Variants in PTPRM observed in about 807,000 individuals in gnomAD.
PTPRM encodes the protein protein tyrosine phosphatase receptor type M, also known as receptor-type tyrosine-protein phosphatase mu.
Under a neutral mutation model 186.7 loss-of-function variants are expected in PTPRM, and 47 were observed. That is an observed-to-expected ratio of 0.25 (90% confidence interval 0.20 to 0.32). The LOEUF is 0.32. Among genes scored for constraint, PTPRM ranks in the 10% least tolerant of loss-of-function variants. The pLI is 1.00. For missense variants in PTPRM, 1,494 were observed against 1,865.0 expected, an observed-to-expected ratio of 0.80 and a Z score of 3.66; for synonymous variants, 668 against 674.9, an observed-to-expected ratio of 0.99 and a Z score of 0.16.
chr18:8,358,564 C>A (rs1198243073), intron 23 of PTPRM, among the ~76,000 whole-genome samples: 1 of 152,152 alleles, frequency 6.6e-6, no homozygotes, highest in Non-Finnish European at 1.5e-5. Flanking sequence ...CCCTGGTATG[C>A]GTGCAGCTAG....
chr18:8,330,976 A>C (rs1225773288), intron 22 of PTPRM, among the ~76,000 whole-genome samples: 1 of 152,086 alleles, frequency 6.6e-6, no homozygotes, highest in Admixed American at 6.6e-5. Flanking sequence ...GCCACACACT[A>C]CCTACCCCCA....
intron 29 of PTPRM, 149 bp downstream of exon 29, chr18:8,380,576 G>T: frequency 1.1e-6 from 1 of 937,856 alleles, no homozygotes; most frequent in Non-Finnish European, 1.6e-6. Context: ...TGAACACAAC[G>T]GTTAAAAATC....
intron 1 of PTPRM, among the ~76,000 whole-genome samples, chr18:7,599,547 A>T (rs2037348369): frequency 6.6e-6 from 1 of 152,192 alleles, no homozygotes; most frequent in Admixed American, 6.5e-5. Context: ...AACAGCTCTC[A>T]TCATTTCTTT....
At chr18:8,148,566 G>T (rs1350424240) in intron 14 of PTPRM, among the ~76,000 whole-genome samples, 1 of 151,942 alleles carries the variant, frequency 6.6e-6, no homozygotes. Flanking sequence ...CTGGCTCGTG[G>T]TCTAGCTATT....
At chr18:8,392,136 A>G (rs1754294945) in intron 31 of PTPRM, among the ~76,000 whole-genome samples, 1 of 152,180 alleles carries the variant, frequency 6.6e-6, no homozygotes. Context: ...ACCAAATCCA[A>G]TCTGTGGACT....
intron 3 of PTPRM, among the ~76,000 whole-genome samples, chr18:7,895,444 A>T (rs1209863341): frequency 1.3e-5 from 2 of 152,246 alleles, no homozygotes; most frequent in Admixed American, 6.5e-5. Flanking sequence ...GGAACACTGC[A>T]TGAGACAAAG....
chr18:7,994,648 T>C (rs1481599848), intron 7 of PTPRM, among the ~76,000 whole-genome samples: 3 of 152,070 alleles, frequency 2.0e-5, no homozygotes, highest in African/African-American at 7.2e-5. Flanking sequence ...CACAATGGAA[T>C]AAACTACAAA....
At position 8,354,145 on chromosome 18, in the gene PTPRM, G is replaced by A. The variant is rs140698998; in HGVS notation, c.3054+10625G>A. 5.1e-3 allele frequency among the ~76,000 whole-genome samples: 768 copies of A among 151,640 alleles called. 4 individuals are homozygous for A. The highest frequency in any genetic ancestry group is 9.9e-3 in the Admixed American group (151 of 15,242). On this transcript the variant is annotated intron_variant, in intron 23 of 32. Transcript: ENST00000580170. ...GGAGAATCGCTTGAACCCAGGAGGC[G>A]GAGGTTGCAGTGAGCCTAGATCGCA... is the stretch of plus-strand genomic sequence containing the variant.
At chr18:8,065,340 G>T (rs2088976974) in intron 7 of PTPRM, among the ~76,000 whole-genome samples, 1 of 152,190 alleles carries the variant, frequency 6.6e-6, no homozygotes, top group South Asian at 2.1e-4. Context: ...CTAGAAGTGG[G>T]CTTGCTCGTC....
chr18:8,160,770 C>T (rs931353944), intron 14 of PTPRM, among the ~76,000 whole-genome samples: 2 of 152,192 alleles, frequency 1.3e-5, no homozygotes, highest in Non-Finnish European at 2.9e-5. Flanking sequence ...TCGCTGTTAG[C>T]TGTCTCACTG....
intron 19 of PTPRM, among the ~76,000 whole-genome samples, chr18:8,294,747 C>T (rs2095077773): frequency 6.6e-6 from 1 of 152,166 alleles, no homozygotes; most frequent in African/African-American, 2.4e-5. Context: ...CCTATGATCA[C>T]GACTAAGGGA....
At chr18:7,793,373 G>A (rs568110171) in intron 2 of PTPRM, among the ~76,000 whole-genome samples, 1 of 152,288 alleles carries the variant, frequency 6.6e-6, no homozygotes, top group East Asian at 1.9e-4. Flanking sequence ...AATGTGTACA[G>A]AGCTTAGGAC....
chr18:8,180,591 C>T (rs916795904), intron 14 of PTPRM, among the ~76,000 whole-genome samples: 10 of 152,134 alleles, frequency 6.6e-5, no homozygotes, highest in Non-Finnish European at 1.3e-4. Context: ...GTGGGCTGTT[C>T]GAATGCGCAG....
chr18:8,045,812 T>C (rs553761626), intron 7 of PTPRM, among the ~76,000 whole-genome samples: 1 of 152,348 alleles, frequency 6.6e-6, no homozygotes, highest in South Asian at 2.1e-4. Context: ...GGGTGGATTT[T>C]ATGACATATT....
chr18:7,711,111 T>C (rs960652560), intron 1 of PTPRM, among the ~76,000 whole-genome samples: 1 of 152,142 alleles, frequency 6.6e-6, no homozygotes, highest in South Asian at 2.1e-4. Flanking sequence ...GGGTGATTTC[T>C]GCATTTCCAA....
intron 19 of PTPRM, among the ~76,000 whole-genome samples, chr18:8,254,778 C>A (rs1031074016): frequency 1.3e-5 from 2 of 152,216 alleles, no homozygotes; most frequent in Non-Finnish European, 2.9e-5. Flanking sequence ...GCAGTCAAAG[C>A]AACACATGGT....
intron 13 of PTPRM, among the ~76,000 whole-genome samples, chr18:8,119,667 T>C (rs1220106865): frequency 6.6e-6 from 1 of 152,184 alleles, no homozygotes; most frequent in African/African-American, 2.4e-5. Flanking sequence ...AAAAACCCTA[T>C]GCTTTCCAAA....
At chr18:8,167,591 A>C (rs892884272) in intron 14 of PTPRM, among the ~76,000 whole-genome samples, 4 of 152,208 alleles carry the variant, frequency 2.6e-5, no homozygotes, top group African/African-American at 9.6e-5. Flanking sequence ...TTTTCATTGT[A>C]GTTGTACCTC....
chr18:7,716,597 C>T (rs2040337445), intron 1 of PTPRM, among the ~76,000 whole-genome samples: 1 of 152,116 alleles, frequency 6.6e-6, no homozygotes, highest in African/African-American at 2.4e-5. Context: ...TGACAAAGGG[C>T]TAATATCTAG....
Sources: allele counts gnomAD v4.1 joint callset (sites outside exome capture counted in the v4.1 genomes callset), GRCh38; gene constraint gnomAD v4.1.1; transcripts MANE v1.5; gene names NCBI Gene and HGNC (gene_info 2026-07-23, HGNC 2026-07-21).